The following PREX2 variants were observed in gnomAD, a reference collection of about 807,000 sequenced individuals.
The protein encoded by PREX2 is phosphatidylinositol 3,4,5-trisphosphate-dependent Rac exchanger 2 protein.
PREX2 carries 107 observed loss-of-function variants against 203.2 expected under a neutral mutation model. That is an observed-to-expected ratio of 0.53 (90% confidence interval 0.45 to 0.62). PREX2 has a LOEUF of 0.62. Among genes scored for constraint, PREX2 ranks in the 20% least tolerant of loss-of-function variants. The probability of loss-of-function intolerance (pLI) is 0.00; values close to 1 mark genes in which losing one functional copy is unlikely to be tolerated. For missense variants in PREX2, 1,777 were observed against 1,955.9 expected, an observed-to-expected ratio of 0.91 and a Z score of 1.72; for synonymous variants, 672 against 663.6, an observed-to-expected ratio of 1.01 and a Z score of -0.19.
At chr8:67,958,558 G>C (rs746649576) in intron 1 of PREX2, among the ~76,000 whole-genome samples, 2 of 152,210 alleles carry the variant, frequency 1.3e-5, no homozygotes, top group Non-Finnish European at 2.9e-5. Flanking sequence ...AAAGATTGAA[G>C]TCTAGTTACC....
chr8:68,025,949 G>A (rs1807704079), intron 4 of PREX2, among the ~76,000 whole-genome samples: 1 of 152,140 alleles, frequency 6.6e-6, no homozygotes, highest in Admixed American at 6.6e-5. Flanking sequence ...TAGGTGAGGG[G>A]ATGGCTGCTT....
chr8:68,035,856 G>A (rs372397806), intron 6 of PREX2, among the ~76,000 whole-genome samples: 5 of 152,248 alleles, frequency 3.3e-5, no homozygotes, highest in African/African-American at 1.2e-4. Context: ...ATTTCAGTCA[G>A]ATTCAGTAAA....
intron 33 of PREX2, among the ~76,000 whole-genome samples, chr8:68,144,884 A>T (rs1811295066): frequency 6.6e-6 from 1 of 152,212 alleles, no homozygotes; most frequent in Non-Finnish European, 1.5e-5. Context: ...GTTCTATAAT[A>T]TGAAACTCCA....
intron 35 of PREX2, among the ~76,000 whole-genome samples, chr8:68,178,636 CA>C (rs1812027779): frequency 6.6e-6 from 1 of 151,934 alleles, no homozygotes; most frequent in South Asian, 2.1e-4. Flanking sequence ...CTGCATATGC[CA>C]ATATTTAAAG....
At chr8:68,104,515 AGACT>A (rs905670171) in intron 23 of PREX2, among the ~76,000 whole-genome samples, 3 of 152,104 alleles carry the variant, frequency 2.0e-5, no homozygotes, top group Non-Finnish European at 4.4e-5. Flanking sequence ...CACTCCTTCC[AGACT>A]GCTTAAATGC....
At chr8:68,054,830 C>T (rs1051758413) in intron 9 of PREX2, among the ~76,000 whole-genome samples, 134 of 152,362 alleles carry the variant, frequency 8.8e-4, no homozygotes, top group African/African-American at 3.1e-3. Context: ...CCACCGGACT[C>T]CTGGTTACTT....
chr8:67,992,353 GATAA>G (rs1319984430), intron 1 of PREX2, among the ~76,000 whole-genome samples: 1 of 152,108 alleles, frequency 6.6e-6, no homozygotes, highest in African/African-American at 2.4e-5. Flanking sequence ...TATTTTCATG[GATAA>G]ATGTCTAATT....
intron 22 of PREX2, among the ~76,000 whole-genome samples, chr8:68,098,927 CATATATATGTGT>C (rs1292682481): frequency 1.0e-4 from 11 of 106,564 alleles, no homozygotes; most frequent in African/African-American, 4.4e-4. Flanking sequence ...AGAAATGCTA[CATATATATGTGT>C]ATATATATAT....
intron 37 of PREX2, among the ~76,000 whole-genome samples, chr8:68,204,972 C>T (rs1357377977): frequency 2.0e-5 from 3 of 152,028 alleles, no homozygotes; most frequent in South Asian, 2.1e-4. Flanking sequence ...TGAGCCACCA[C>T]GCCCGGCCCC....
At chr8:68,173,532 T>G (rs930142830) in intron 35 of PREX2, among the ~76,000 whole-genome samples, 2 of 151,860 alleles carry the variant, frequency 1.3e-5, no homozygotes, top group African/African-American at 4.8e-5. Context: ...GGACTGGACT[T>G]ATTCTTATTT....
At chr8:68,043,335 A>G (rs1808252448) in intron 7 of PREX2, among the ~76,000 whole-genome samples, 1 of 152,114 alleles carries the variant, frequency 6.6e-6, no homozygotes, top group South Asian at 2.1e-4. Context: ...CTTTATAGAG[A>G]TGAAGGACTA....
chr8:68,188,794 C>CT (rs1251729156), intron 35 of PREX2, among the ~76,000 whole-genome samples: 2 of 152,098 alleles, frequency 1.3e-5, no homozygotes, highest in Non-Finnish European at 2.9e-5. Flanking sequence ...TGGCCCCACC[C>CT]TTGACACGTG....
At chr8:68,137,804 G>A (rs1811143031) in intron 32 of PREX2, among the ~76,000 whole-genome samples, 1 of 152,108 alleles carries the variant, frequency 6.6e-6, no homozygotes, top group Admixed American at 6.6e-5. Context: ...ATAAGAATGA[G>A]ACGAATGATT....
intron 12 of PREX2, 59 bp from the exon 13 acceptor site, chr8:68,069,776 T>G (rs1321593258): frequency 1.3e-6 from 1 of 770,844 alleles, no homozygotes. Flanking sequence ...CTTCAAAATT[T>G]CATTGAAATG....
At chr8:67,967,745 A>G (rs1253023316) in intron 1 of PREX2, among the ~76,000 whole-genome samples, 2 of 152,238 alleles carry the variant, frequency 1.3e-5, no homozygotes, top group Non-Finnish European at 2.9e-5. Flanking sequence ...AGGTGCTTTC[A>G]TACATTTTTC....
At chr8:67,958,589 A>G (rs894184082) in intron 1 of PREX2, among the ~76,000 whole-genome samples, 1 of 152,224 alleles carries the variant, frequency 6.6e-6, no homozygotes, top group Non-Finnish European at 1.5e-5. Context: ...CTGTCATTGC[A>G]TTAGTCCAGG....
At chr8:68,006,390 C>T (rs550960535) in intron 1 of PREX2, among the ~76,000 whole-genome samples, 4 of 152,298 alleles carry the variant, frequency 2.6e-5, no homozygotes, top group African/African-American at 9.6e-5. Context: ...TTTATTAGGC[C>T]TGGGGCTGAA....
chr8:67,999,478 C>CAAAAAAAAAAAAAAAA (rs58916146), intron 1 of PREX2, among the ~76,000 whole-genome samples: 1 of 92,092 alleles, frequency 1.1e-5, no homozygotes, highest in Non-Finnish European at 2.1e-5. Flanking sequence ...GCCAACAAAC[C>CAAAAAAAAAAAAAAAA]AAAAAAAAAA....
chr8:68,136,179 G>A (rs1350612902), intron 32 of PREX2, among the ~76,000 whole-genome samples: 1 of 152,060 alleles, frequency 6.6e-6, no homozygotes, highest in African/African-American at 2.4e-5. Flanking sequence ...ACAGCTCTGT[G>A]AATATAGTAA....
Sources: gnomAD v4.1 joint callset for allele counts (sites outside exome capture counted in the v4.1 genomes callset) on GRCh38, gnomAD v4.1.1 for gene constraint, MANE v1.5 for transcripts, NCBI Gene and HGNC (gene_info 2026-07-23, HGNC 2026-07-21) for gene names.